NOTCH2NLR: variants seen among roughly 807,000 people sequenced by gnomAD.
NOTCH2NLR encodes notch 2 N-terminal like R (pseudogene).
NOTCH2NLR carries 33 observed loss-of-function variants against 35.6 expected under a neutral mutation model. The observed-to-expected ratio is 0.93, with a 90% CI of 0.70 to 1.24. The LOEUF (loss-of-function observed/expected upper bound fraction) is 1.24. Ranked by LOEUF, NOTCH2NLR falls within the 50% of genes most tolerant of loss-of-function variation. The pLI is 0.00. For synonymous variants in NOTCH2NLR, 103 were observed against 141.0 expected, an observed-to-expected ratio of 0.73 and a Z score of 1.91; for missense variants, 276 against 362.2, an observed-to-expected ratio of 0.76 and a Z score of 1.93.
intron 2 of NOTCH2NLR, among the ~76,000 whole-genome samples, chr1:120,764,519 G>C (rs1195731694): frequency 2.5e-5 from 2 of 81,184 alleles, no homozygotes; most frequent in Non-Finnish European, 4.6e-5. Flanking sequence ...CAGGGGCTTT[G>C]GGTGTGTATT....
chr1:120,790,258 C>T (rs1651469751), intron 3 of NOTCH2NLR, among the ~76,000 whole-genome samples: 1 of 108,486 alleles, frequency 9.2e-6, no homozygotes, highest in Admixed American at 8.9e-5. Flanking sequence ...TCATGATCCA[C>T]CCGCCTCGGC....
chr1:120,745,835 A>AC (rs1178492229), intron 1 of NOTCH2NLR, among the ~76,000 whole-genome samples: 1 of 90,910 alleles, frequency 1.1e-5, no homozygotes, highest in African/African-American at 7.3e-5. Context: ...AAAAAAAAAA[A>AC]CAAGGTAAAG....
In NOTCH2NLR at chr1:120,790,869, G is replaced by T. The variant is rs1177080900; in HGVS notation, c.416-2292G>T. Among the ~76,000 whole-genome samples, 7 of 98,426 alleles carry T rather than the reference G, an allele frequency of 7.1e-5. 2 individuals carry two copies. The highest frequency in any genetic ancestry group is 1.0e-4 in the Admixed American group (1 of 9,728). The allele number at this position is 98,426 out of a possible 152,430, so 64.6% of individuals were successfully genotyped here. On this transcript the variant is annotated intron_variant, in intron 3 of 4. Coordinates refer to ENST00000624419, the Ensembl canonical transcript of NOTCH2NLR. ...CCCACCTCAGCCTCCCAAAGTGCTG[G>T]GATTACAGGCATCAGCCACCACTTC...
exon 4 of NOTCH2NLR, chr1:120,793,209 A>G (rs1365969765): frequency 6.9e-7 from 1 of 1,441,766 alleles, no homozygotes; most frequent in Non-Finnish European, 9.3e-7. Context: ...CTCTGTGCAA[A>G]TGGAAGTACC....
At position 120,756,514 on chromosome 1, in the gene NOTCH2NLR, A is replaced by T. The variant is rs1371255309; in HGVS notation, c.74-7114A>T. 2.6e-4 allele frequency among the ~76,000 whole-genome samples: 30 copies of T among 117,046 alleles called. 5 individuals carry two copies. Among genetic ancestry groups the T allele is most frequent in the Admixed American group, 2.4e-3 (30 of 12,286 alleles). The allele number at this position is 117,046 out of a possible 152,430, so 76.8% of individuals were successfully genotyped here. A position where few individuals can be genotyped will look rare whatever the true frequency, so the allele number is the denominator to read the frequency against. ...GCAGATAGGGAGAAGGATATGAAAA[A>T]AATCATGTGAGATAGACGACAGAGG... On this transcript the variant is annotated intron_variant, in intron 1 of 4. Coordinates refer to ENST00000624419, the Ensembl canonical transcript of NOTCH2NLR.
chr1:120,730,092 CT>C (rs1650859629), intron 1 of NOTCH2NLR, among the ~76,000 whole-genome samples: 1 of 88,046 alleles, frequency 1.1e-5, no homozygotes, highest in Admixed American at 1.2e-4. Context: ...TGTTGTATGA[CT>C]TTGTTGTAAG....
intron 1 of NOTCH2NLR, among the ~76,000 whole-genome samples, chr1:120,748,124 T>C (rs1650993847): frequency 1.6e-5 from 1 of 61,790 alleles, no homozygotes; most frequent in Non-Finnish European, 2.9e-5. Context: ...TTTTTTTTTT[T>C]TTTTTTTTTT....
rs1432337298 is a variant in NOTCH2NLR at position 120,789,985 on chromosome 1, G to C, written c.416-3176G>C. On this transcript the variant is annotated intron_variant, in intron 3 of 4. Transcript: ENST00000624419. ...TGTTGTTAAGAAGGATCTCTTCTTG[G>C]TGTGTTCTGCAAGATTCTGATCACC... Among the ~76,000 whole-genome samples the C allele has an allele frequency of 8.5e-5, 7 of 82,188 alleles. 3 individuals carry two copies. In the East Asian group the frequency reaches 1.8e-3, roughly 21 times the overall value. 53.9% of individuals were successfully genotyped at this position (82,188 alleles called of 152,430 possible).
intron 2 of NOTCH2NLR, among the ~76,000 whole-genome samples, chr1:120,784,326 G>A (rs1651398629): frequency 8.6e-6 from 1 of 116,846 alleles, no homozygotes; most frequent in Non-Finnish European, 1.6e-5. Flanking sequence ...CCATTTAGAG[G>A]AAAACCCTAA....
intron 3 of NOTCH2NLR, among the ~76,000 whole-genome samples, chr1:120,790,556 C>G (rs1198747887): frequency 1.0e-5 from 1 of 99,314 alleles, no homozygotes; most frequent in Non-Finnish European, 1.8e-5. Flanking sequence ...TTCTTTCTTT[C>G]TTTCTTTCTT....
At chr1:120,769,603 C>T (rs1651237944) in intron 2 of NOTCH2NLR, among the ~76,000 whole-genome samples, 1 of 122,158 alleles carries the variant, frequency 8.2e-6, no homozygotes, top group Non-Finnish European at 1.6e-5. Flanking sequence ...AAATACCTCT[C>T]ATAGAGTAAT....
At chr1:120,760,315 G>T (rs1272495260) in intron 1 of NOTCH2NLR, among the ~76,000 whole-genome samples, 1 of 89,732 alleles carries the variant, frequency 1.1e-5, no homozygotes, top group East Asian at 2.4e-4. Flanking sequence ...AGCCTCCTGA[G>T]TAGCTGCGAT....
At chr1:120,767,921 G>T (rs1190785465) in intron 2 of NOTCH2NLR, among the ~76,000 whole-genome samples, 2 of 117,664 alleles carry the variant, frequency 1.7e-5, no homozygotes, top group Non-Finnish European at 3.3e-5. Flanking sequence ...CTTAACAACT[G>T]GGTTGTCTAT....
intron 2 of NOTCH2NLR, among the ~76,000 whole-genome samples, chr1:120,778,476 T>C (rs1350221922): frequency 9.4e-6 from 1 of 105,940 alleles, no homozygotes; most frequent in Non-Finnish European, 1.7e-5. Flanking sequence ...TTCCACATTC[T>C]GTATAGTTTT....
intron 2 of NOTCH2NLR, among the ~76,000 whole-genome samples, chr1:120,770,382 G>A (rs1307229490): frequency 9.0e-6 from 1 of 110,866 alleles, no homozygotes; most frequent in East Asian, 2.2e-4. Context: ...TGTTAGCCAG[G>A]ATGGTCTCTA....
rs1372542474 is a variant in NOTCH2NLR, at chr1:120,730,572, G to A, written c.73+6322G>A. Among the ~76,000 whole-genome samples, 12 of 112,662 alleles carry A rather than the reference G, an allele frequency of 1.1e-4. 3 individuals carry two copies. Among genetic ancestry groups the A allele is most frequent in the Admixed American group, 5.1e-4 (6 of 11,700 alleles). The allele number at this position is 112,662 out of a possible 152,430, so 73.9% of individuals were successfully genotyped here. On this transcript the variant is annotated intron_variant, in intron 1 of 4. Transcript: ENST00000624419. ...CACTGGTAGTGGTAGGAGGTTTGCC[G>A]TAGATCTGTTTTTTCTCCTGTCTCA...
intron 1 of NOTCH2NLR, among the ~76,000 whole-genome samples, chr1:120,752,657 G>A (rs1422653969): frequency 1.3e-4 from 5 of 38,642 alleles, no homozygotes; most frequent in East Asian, 6.8e-4. Flanking sequence ...TGCAAGCTCC[G>A]CCTCCCGGGT....
At position 120,793,586 on chromosome 1, in the gene NOTCH2NLR, G is replaced by C. The variant is rs878887050; in HGVS notation, c.751+90G>C. ...GGCTCAATTGCATTTTTTAGGAAGC[G>C]CAAGGAAAAAGGGAAGTGAGAATTT... On this transcript the variant is annotated intron_variant, in intron 4 of 4. Coordinates refer to ENST00000624419, the Ensembl canonical transcript of NOTCH2NLR. The C allele has an allele frequency of 2.8e-4, 287 of 1,009,616 alleles. 57 individuals are homozygous for C. Among genetic ancestry groups the C allele is most frequent in the East Asian group, 1.3e-4 (5 of 38,364 alleles). The allele number at this position is 1,009,616 out of a possible 1,614,324, so 62.5% of individuals were successfully genotyped here.
intron 1 of NOTCH2NLR, among the ~76,000 whole-genome samples, chr1:120,729,688 C>A (rs1290197276): frequency 1.7e-5 from 2 of 117,440 alleles, no homozygotes; most frequent in Non-Finnish European, 3.3e-5. Flanking sequence ...GGGAGAATAA[C>A]ATTTATCAAG....
Sources: gnomAD v4.1 joint callset for allele counts (sites outside exome capture counted in the v4.1 genomes callset) on GRCh38, gnomAD v4.1.1 for gene constraint, MANE v1.5 for transcripts, NCBI Gene and HGNC (gene_info 2026-07-23, HGNC 2026-07-21) for gene names.